Variants in LARS2 observed in about 807,000 individuals in gnomAD.
LARS2 encodes leucine--tRNA ligase, mitochondrial.
Under a neutral mutation model 116.6 loss-of-function variants are expected in LARS2, and 81 were observed. That is an observed-to-expected ratio of 0.69 (90% CI 0.58 to 0.84). The LOEUF is 0.84. LARS2 is among the 40% of genes least tolerant of loss of function. The pLI, the probability that LARS2 is intolerant of heterozygous loss-of-function variation, is 0.00. For synonymous variants in LARS2, 396 were observed against 407.2 expected (o/e 0.97, Z 0.33); for missense variants, 968 against 1,114.5 (o/e 0.87, Z 1.87).
intron 16 of LARS2, among the ~76,000 whole-genome samples, chr3:45,514,327 T>G (rs917648338): frequency 2.6e-5 from 4 of 152,186 alleles, no homozygotes; most frequent in African/African-American, 4.8e-5. Flanking sequence ...TGGATGAGAT[T>G]AGGTCACACG....
At chr3:45,436,419 C>G (rs1408302227) in intron 6 of LARS2, among the ~76,000 whole-genome samples, 2 of 151,700 alleles carry the variant, frequency 1.3e-5, no homozygotes, top group Non-Finnish European at 2.9e-5. Context: ...CCCAACTAGA[C>G]TAATAACAAA....
At chr3:45,455,050 A>G (rs538189438) in intron 7 of LARS2, among the ~76,000 whole-genome samples, 2 of 151,966 alleles carry the variant, frequency 1.3e-5, no homozygotes, top group African/African-American at 4.8e-5. Context: ...ATCTTTTGAG[A>G]CACTATTTCT....
At chr3:45,466,993 C>T (rs1322598625) in intron 8 of LARS2, among the ~76,000 whole-genome samples, 2 of 152,134 alleles carry the variant, frequency 1.3e-5, no homozygotes, top group Non-Finnish European at 2.9e-5. Context: ...AGACAATAGC[C>T]AGTCAGCGTG....
chr3:45,388,589 C>T lies in LARS2; in HGVS notation c.-179C>T, dbSNP rs1230096168. ...ATCGATAAAGTTGCTGTTTTGACAA[C>T]ATGGCGGCGCCCATGGTCCGTGGCC... On this transcript the variant is annotated 5_prime_UTR_variant, in exon 1 of 22. Transcript: ENST00000645846. The T allele has an allele frequency of 6.6e-6, 1 of 152,346 alleles. No individual in the cohort carries two copies. The highest frequency in any genetic ancestry group is 2.4e-5 in the African/African-American group (1 of 41,454). 9.4% of individuals were successfully genotyped at this position (152,346 alleles called of 1,614,324 possible).
chr3:45,532,735 G>A (rs1386883494), intron 20 of LARS2, among the ~76,000 whole-genome samples: 1 of 152,060 alleles, frequency 6.6e-6, no homozygotes, highest in African/African-American at 2.4e-5. Context: ...TCCGCCTCCC[G>A]GGTTCAAGCA....
chr3:45,526,667 A>G (rs1246287880), intron 20 of LARS2, among the ~76,000 whole-genome samples: 1 of 152,118 alleles, frequency 6.6e-6, no homozygotes, highest in Non-Finnish European at 1.5e-5. Context: ...GCGTGTCTCC[A>G]AGAAGTAACT....
intron 3 of LARS2, among the ~76,000 whole-genome samples, chr3:45,395,772 T>G (rs1698033253): frequency 6.6e-6 from 1 of 152,174 alleles, no homozygotes; most frequent in African/African-American, 2.4e-5. Flanking sequence ...GAGCTATTTG[T>G]GTTAAACTGA....
intron 20 of LARS2, among the ~76,000 whole-genome samples, chr3:45,532,076 G>A (rs759262536): frequency 1.2e-4 from 19 of 152,154 alleles, no homozygotes; most frequent in Admixed American, 5.2e-4. Context: ...TCTTCTAATA[G>A]TTATGCCATG....
intron 10 of LARS2, chr3:45,484,066 G>A (rs1247668154): frequency 6.6e-6 from 1 of 151,800 alleles, no homozygotes; most frequent in Non-Finnish European, 1.5e-5. Flanking sequence ...AATTAGCTGG[G>A]TTTGGTGGTA....
intron 6 of LARS2, among the ~76,000 whole-genome samples, chr3:45,432,629 G>A (rs1304747065): frequency 1.3e-5 from 2 of 151,826 alleles, no homozygotes; most frequent in Non-Finnish European, 2.9e-5. Context: ...ATGGAATATA[G>A]CAAAAAAGAG....
chr3:45,532,875 C>T (rs992989916), intron 20 of LARS2, among the ~76,000 whole-genome samples: 1 of 152,088 alleles, frequency 6.6e-6, no homozygotes, highest in Non-Finnish European at 1.5e-5. Flanking sequence ...CTCCTGACTT[C>T]AGGTGGTCCG....
chr3:45,530,754 A>G (rs562038031), intron 20 of LARS2, among the ~76,000 whole-genome samples: 1 of 152,344 alleles, frequency 6.6e-6, no homozygotes, highest in Admixed American at 6.5e-5. Flanking sequence ...TGAATTGTAC[A>G]TTGTGCTTCA....
chr3:45,419,354 G>A (rs1004737488), intron 5 of LARS2, among the ~76,000 whole-genome samples: 5 of 152,078 alleles, frequency 3.3e-5, no homozygotes, highest in Non-Finnish European at 7.3e-5. Flanking sequence ...GAATATTGAC[G>A]TCTGGACGGG....
chr3:45,494,705 A>G (rs1699979216), intron 13 of LARS2, among the ~76,000 whole-genome samples: 1 of 152,178 alleles, frequency 6.6e-6, no homozygotes, highest in South Asian at 2.1e-4. Flanking sequence ...TTGAGTTCCT[A>G]GGTAGTGTGG....
At chr3:45,500,376 G>A (rs1575295967) in intron 14 of LARS2, 66 bp from the exon 15 acceptor site, 18 of 1,453,984 alleles carry the variant, frequency 1.2e-5, no homozygotes, top group East Asian at 7.0e-5. Flanking sequence ...ATTACAATAG[G>A]CCTGTTTAAT....
intron 12 of LARS2, among the ~76,000 whole-genome samples, chr3:45,490,311 T>C (rs1431254691): frequency 2.0e-5 from 3 of 152,206 alleles, no homozygotes; most frequent in Admixed American, 6.5e-5. Flanking sequence ...TAGTGAAGCA[T>C]CCACTCTTTA....
intron 10 of LARS2, among the ~76,000 whole-genome samples, chr3:45,477,114 G>C (rs971562295): frequency 6.6e-6 from 1 of 152,186 alleles, no homozygotes; most frequent in East Asian, 1.9e-4. Context: ...GCTCCATACA[G>C]AGTTTTAACA....
chr3:45,512,679 G>A (rs1700307860), intron 15 of LARS2, among the ~76,000 whole-genome samples: 1 of 152,150 alleles, frequency 6.6e-6, no homozygotes, highest in African/African-American at 2.4e-5. Context: ...AAAACCATAT[G>A]TGGATAGGTA....
At chr3:45,403,285 T>C (rs1440273833) in intron 4 of LARS2, among the ~76,000 whole-genome samples, 2 of 152,036 alleles carry the variant, frequency 1.3e-5, no homozygotes, top group Admixed American at 6.5e-5. Context: ...GGACAATTAG[T>C]GAGTGCAGGC....
Sources: gnomAD v4.1 joint callset for allele counts (sites outside exome capture counted in the v4.1 genomes callset) on GRCh38, gnomAD v4.1.1 for gene constraint, MANE v1.5 for transcripts, NCBI Gene and HGNC (gene_info 2026-07-23, HGNC 2026-07-21) for gene names.